The following ROBO1 variants were observed in gnomAD, a reference collection of about 807,000 sequenced individuals.
ROBO1 encodes the protein roundabout homolog 1.
In ROBO1, 149 loss-of-function variants were observed where a neutral mutation model predicts 195.9. That is an observed-to-expected ratio of 0.76 (90% CI 0.67 to 0.87). The LOEUF (loss-of-function observed/expected upper bound fraction) is 0.87. Among genes scored for constraint, ROBO1 ranks in the 40% least tolerant of loss-of-function variants. The pLI is 0.00. For synonymous variants in ROBO1, 816 were observed against 733.2 expected, an observed-to-expected ratio of 1.11 and a Z score of -1.82; for missense variants, 1,933 against 2,068.3, an observed-to-expected ratio of 0.93 and a Z score of 1.27.
At chr3:79,059,155 A>G (rs2078867715) in intron 3 of ROBO1, among the ~76,000 whole-genome samples, 1 of 151,796 alleles carries the variant, frequency 6.6e-6, no homozygotes, top group Admixed American at 6.6e-5. Context: ...CCGTATTCCT[A>G]TAATGAGACT....
intron 2 of ROBO1, among the ~76,000 whole-genome samples, chr3:79,236,370 A>G (rs560184330): frequency 8.0e-4 from 122 of 152,140 alleles, no homozygotes; most frequent in Non-Finnish European, 1.5e-3. Context: ...GCCAATTACC[A>G]ATGGTTTCTT....
chr3:78,623,655 G>A (rs1704582952), intron 26 of ROBO1, among the ~76,000 whole-genome samples: 1 of 152,182 alleles, frequency 6.6e-6, no homozygotes, highest in African/African-American at 2.4e-5. Flanking sequence ...ACTGAAGGAG[G>A]AGCAAGGCTG....
intron 2 of ROBO1, among the ~76,000 whole-genome samples, chr3:79,525,385 T>C (rs1208845930): frequency 2.7e-5 from 4 of 149,748 alleles, no homozygotes; most frequent in Admixed American, 1.3e-4. Flanking sequence ...GAAAATATTA[T>C]GAGAAATAAT....
chr3:79,070,318 C>T (rs2079066944), intron 3 of ROBO1, among the ~76,000 whole-genome samples: 1 of 151,818 alleles, frequency 6.6e-6, no homozygotes, highest in Non-Finnish European at 1.5e-5. Context: ...AATTAATTTC[C>T]TTGAATTCTA....
At chr3:78,617,094 T>C (rs1704154934) in intron 27 of ROBO1, among the ~76,000 whole-genome samples, 1 of 152,122 alleles carries the variant, frequency 6.6e-6, no homozygotes, top group Non-Finnish European at 1.5e-5. Flanking sequence ...ATTAATATTC[T>C]AATTTGAGAG....
intron 2 of ROBO1, among the ~76,000 whole-genome samples, chr3:79,530,902 C>A (rs1346552175): frequency 6.6e-6 from 1 of 151,998 alleles, no homozygotes; most frequent in Non-Finnish European, 1.5e-5. Context: ...AGTTATTCTC[C>A]AGAGTCATCT....
chr3:78,743,116 C>T (rs1477705394), intron 5 of ROBO1, among the ~76,000 whole-genome samples: 1 of 151,902 alleles, frequency 6.6e-6, no homozygotes, highest in African/African-American at 2.4e-5. Flanking sequence ...TCTTTCAAAA[C>T]GCAAGACTAC....
intron 2 of ROBO1, among the ~76,000 whole-genome samples, chr3:79,263,326 A>G (rs1389960789): frequency 6.6e-6 from 1 of 152,036 alleles, no homozygotes. Context: ...GTCTCTCCAT[A>G]CATGCAGTGA....
chr3:79,106,211 GT>G (rs2079776292), intron 3 of ROBO1, among the ~76,000 whole-genome samples: 1 of 151,574 alleles, frequency 6.6e-6, no homozygotes, highest in African/African-American at 2.4e-5. Context: ...ACATATTATT[GT>G]TTTGCTAGTT....
At chr3:79,497,984 T>A (rs1436296519) in intron 2 of ROBO1, among the ~76,000 whole-genome samples, 1 of 148,378 alleles carries the variant, frequency 6.7e-6, no homozygotes, top group East Asian at 2.0e-4. Context: ...AATATAATTT[T>A]ATTTGCTTCG....
intron 2 of ROBO1, among the ~76,000 whole-genome samples, chr3:79,310,750 A>C (rs1358227241): frequency 6.6e-6 from 1 of 151,968 alleles, no homozygotes; most frequent in Non-Finnish European, 1.5e-5. Context: ...ATATACAATA[A>C]TTTTACATTT....
intron 3 of ROBO1, among the ~76,000 whole-genome samples, chr3:78,986,830 A>C (rs1261538834): frequency 1.3e-5 from 2 of 152,032 alleles, no homozygotes; most frequent in African/African-American, 4.8e-5. Flanking sequence ...GTCTCCTTTG[A>C]CTCAAAGCCG....
chr3:79,254,449 C>T (rs2082790297), intron 2 of ROBO1, among the ~76,000 whole-genome samples: 1 of 151,876 alleles, frequency 6.6e-6, no homozygotes, highest in African/African-American at 2.4e-5. Context: ...AGAAAGGAAG[C>T]TCACACACAT....
intron 1 of ROBO1, among the ~76,000 whole-genome samples, chr3:79,716,730 A>C (rs914286940): frequency 6.6e-6 from 1 of 151,982 alleles, no homozygotes; most frequent in Non-Finnish European, 1.5e-5. Flanking sequence ...GGAAGACGGC[A>C]GGTGAAATTG....
intron 4 of ROBO1, among the ~76,000 whole-genome samples, chr3:78,925,320 T>C (rs963073565): frequency 3.9e-5 from 6 of 152,338 alleles, no homozygotes; most frequent in Admixed American, 1.3e-4. Flanking sequence ...TCTGAGCTAA[T>C]GATCAGAATA....
At chr3:79,203,480 G>C (rs576838278) in intron 2 of ROBO1, among the ~76,000 whole-genome samples, 3 of 152,252 alleles carry the variant, frequency 2.0e-5, no homozygotes, top group Admixed American at 6.5e-5. Flanking sequence ...TCAGTAGACT[G>C]GCTCTTTATG....
intron 22 of ROBO1, among the ~76,000 whole-genome samples, chr3:78,637,613 A>T (rs1031203334): frequency 6.6e-6 from 1 of 152,188 alleles, no homozygotes; most frequent in African/African-American, 2.4e-5. Flanking sequence ...ACCATATTGG[A>T]CAACACAGCT....
At chr3:79,312,551 A>G (rs960876907) in intron 2 of ROBO1, among the ~76,000 whole-genome samples, 2 of 152,200 alleles carry the variant, frequency 1.3e-5, no homozygotes, top group African/African-American at 4.8e-5. Context: ...CTTCCAAGAT[A>G]AGGTACTATA....
At chr3:78,958,909 C>T (rs1185294089) in intron 3 of ROBO1, among the ~76,000 whole-genome samples, 1 of 150,632 alleles carries the variant, frequency 6.6e-6, no homozygotes, top group Non-Finnish European at 1.5e-5. Flanking sequence ...TCTGCAGCCT[C>T]AACCTCCCAG....
Sources: gnomAD v4.1 joint callset for allele counts (sites outside exome capture counted in the v4.1 genomes callset) on GRCh38, gnomAD v4.1.1 for gene constraint, MANE v1.5 for transcripts, NCBI Gene and HGNC (gene_info 2026-07-23, HGNC 2026-07-21) for gene names.